ZNF385D: variants seen among roughly 807,000 people sequenced by gnomAD.
ZNF385D encodes the protein zinc finger protein 385D.
In ZNF385D, 15 loss-of-function variants were observed where a neutral mutation model predicts 35.8. That is an observed-to-expected ratio of 0.42 (90% CI 0.28 to 0.64). The LOEUF (loss-of-function observed/expected upper bound fraction) is 0.64, where lower values mean the gene tolerates loss of function less well. ZNF385D is among the 30% of genes least tolerant of loss of function. The pLI, the probability that ZNF385D is intolerant of heterozygous loss-of-function variation, is 0.23. For missense variants in ZNF385D, 474 were observed against 494.6 expected (o/e 0.96, Z 0.39); for synonymous variants, 212 against 186.8 (o/e 1.13, Z -1.10).
At chr3:22,116,718 AT>A (rs2125656214) in intron 3 of ZNF385D, among the ~76,000 whole-genome samples, 1 of 152,190 alleles carries the variant, frequency 6.6e-6, no homozygotes, top group African/African-American at 2.4e-5. Context: ...CTAACCTTAA[AT>A]GTAATGCAAA....
intron 2 of ZNF385D, among the ~76,000 whole-genome samples, chr3:21,602,171 C>G (rs1190494679): frequency 6.6e-6 from 1 of 152,070 alleles, no homozygotes; most frequent in African/African-American, 2.4e-5. Flanking sequence ...GGGACTTATT[C>G]ACTACCAGGA....
chr3:21,777,355 C>T (rs1264078617), intron 3 of ZNF385D, among the ~76,000 whole-genome samples: 1 of 151,944 alleles, frequency 6.6e-6, no homozygotes, highest in African/African-American at 2.4e-5. Flanking sequence ...TCCACATCCT[C>T]CCTAAATGCC....
intron 4 of ZNF385D, among the ~76,000 whole-genome samples, chr3:21,471,920 A>G (rs575235684): frequency 9.2e-5 from 14 of 152,254 alleles, no homozygotes; most frequent in African/African-American, 2.4e-4. Context: ...TACATACATA[A>G]GTTCAGAAAA....
intron 3 of ZNF385D, among the ~76,000 whole-genome samples, chr3:21,772,620 C>G (rs765661807): frequency 3.3e-5 from 5 of 151,752 alleles, no homozygotes; most frequent in Non-Finnish European, 7.4e-5. Flanking sequence ...GAATGTAAAA[C>G]AGTATAGTCA....
intron 2 of ZNF385D, among the ~76,000 whole-genome samples, chr3:21,618,835 T>G (rs930413077): frequency 1.3e-5 from 2 of 152,166 alleles, no homozygotes; most frequent in African/African-American, 4.8e-5. Flanking sequence ...TAATCACTTC[T>G]AGTCTACCTT....
intron 3 of ZNF385D, among the ~76,000 whole-genome samples, chr3:21,778,278 A>C (rs562707496): frequency 1.3e-5 from 2 of 152,044 alleles, no homozygotes; most frequent in African/African-American, 4.8e-5. Context: ...TGGCTTTTAA[A>C]GAAACATTTC....
chr3:21,892,624 C>T (rs1223970428), intron 3 of ZNF385D, among the ~76,000 whole-genome samples: 1 of 152,068 alleles, frequency 6.6e-6, no homozygotes, highest in Non-Finnish European at 1.5e-5. Context: ...TATTTATTTG[C>T]AAAGGAGCTA....
chr3:22,020,132 A>G (rs929148117), intron 3 of ZNF385D, among the ~76,000 whole-genome samples: 1 of 151,850 alleles, frequency 6.6e-6, no homozygotes. Flanking sequence ...CGCTCAGAAA[A>G]TTCTGGATAC....
At chr3:21,548,950 G>A (rs2062475876) in intron 3 of ZNF385D, among the ~76,000 whole-genome samples, 2 of 152,076 alleles carry the variant, frequency 1.3e-5, no homozygotes, top group South Asian at 2.1e-4. Flanking sequence ...CATCACTATG[G>A]TTTGTATGAT....
intron 2 of ZNF385D, among the ~76,000 whole-genome samples, chr3:22,265,195 A>C (rs1215470552): frequency 2.0e-5 from 3 of 151,950 alleles, no homozygotes; most frequent in African/African-American, 7.2e-5. Flanking sequence ...AGAAAGATAT[A>C]CAAAAACTGC....
At chr3:21,968,633 G>T (rs967096184) in intron 3 of ZNF385D, among the ~76,000 whole-genome samples, 1 of 152,156 alleles carries the variant, frequency 6.6e-6, no homozygotes, top group African/African-American at 2.4e-5. Flanking sequence ...GGAACCCACT[G>T]TCTTGAAGCA....
intron 2 of ZNF385D, among the ~76,000 whole-genome samples, chr3:22,311,427 A>G (rs946178638): frequency 1.3e-5 from 2 of 151,998 alleles, no homozygotes; most frequent in African/African-American, 2.4e-5. Flanking sequence ...ATGTGGTTTC[A>G]TAGTGTGTTT....
intron 2 of ZNF385D, among the ~76,000 whole-genome samples, chr3:22,191,291 G>C (rs900626215): frequency 6.6e-6 from 1 of 152,058 alleles, no homozygotes; most frequent in Non-Finnish European, 1.5e-5. Flanking sequence ...AGGGGTTTGA[G>C]AACAGCCTCA....
chr3:21,765,797 T>G (rs530978155), intron 3 of ZNF385D, among the ~76,000 whole-genome samples: 1 of 152,114 alleles, frequency 6.6e-6, no homozygotes, highest in South Asian at 2.1e-4. Context: ...ACATCTTACA[T>G]GTAGGCTAGG....
intron 3 of ZNF385D, among the ~76,000 whole-genome samples, chr3:21,556,462 C>T (rs148497623): frequency 2.5e-3 from 377 of 152,260 alleles, no homozygotes; most frequent in African/African-American, 8.5e-3. Flanking sequence ...TTTCTCAACA[C>T]CATTTATTAA....
Position 21,484,540 on chromosome 3 carries a change from T to C in ZNF385D, c.439+26321A>G, listed in dbSNP as rs186477182. ...CAAAGGTTAACATCATGCCAGCTTA[T>C]AAAGAAGGATATGTAAAGGGTCTAG... On this transcript the variant is annotated intron_variant, in intron 4 of 7. Transcript: ENST00000281523. 4.6e-5 allele frequency among the ~76,000 whole-genome samples: 7 copies of C among 152,258 alleles called. No individual in the cohort carries two copies. The East Asian group carries it at 1.4e-3, about 29-fold the overall frequency.
intron 1 of ZNF385D, among the ~76,000 whole-genome samples, chr3:21,689,645 T>C (rs1349762209): frequency 6.6e-6 from 1 of 152,146 alleles, no homozygotes; most frequent in African/African-American, 2.4e-5. Flanking sequence ...AGGAGGTCAG[T>C]CAGGTAACTG....
chr3:22,119,192 C>T (rs1489841365), intron 3 of ZNF385D, among the ~76,000 whole-genome samples: 5 of 152,086 alleles, frequency 3.3e-5, no homozygotes, highest in Non-Finnish European at 5.9e-5. Flanking sequence ...AAGGAATCTG[C>T]TTGGAACTTA....
At chr3:21,582,768 T>C (rs149786377) in intron 2 of ZNF385D, among the ~76,000 whole-genome samples, 40 of 152,014 alleles carry the variant, frequency 2.6e-4, no homozygotes, top group Admixed American at 7.2e-4. Context: ...TTTATTTATT[T>C]ATTCATTCAT....
Sources: gnomAD v4.1 joint callset for allele counts (sites outside exome capture counted in the v4.1 genomes callset) on GRCh38, gnomAD v4.1.1 for gene constraint, MANE v1.5 for transcripts, NCBI Gene and HGNC (gene_info 2026-07-23, HGNC 2026-07-21) for gene names.